The following DBF4B variants were observed in gnomAD, a reference collection of about 807,000 sequenced individuals.
DBF4B encodes protein DBF4 homolog B.
DBF4B carries 49 observed loss-of-function variants against 53.4 expected under a neutral mutation model. That is an observed-to-expected ratio of 0.92 (90% CI 0.73 to 1.16). The LOEUF is 1.16. Among genes scored for constraint, DBF4B ranks in the 50% most tolerant of loss-of-function variants. The pLI, the probability that DBF4B is intolerant of heterozygous loss-of-function variation, is 0.00. For missense variants in DBF4B, 692 were observed against 775.0 expected, an observed-to-expected ratio of 0.89 and a Z score of 1.27; for synonymous variants, 257 against 288.7, an observed-to-expected ratio of 0.89 and a Z score of 1.11.
intron 9 of DBF4B, among the ~76,000 whole-genome samples, chr17:44,740,230 T>G (rs1975864486): frequency 6.6e-6 from 1 of 152,074 alleles, no homozygotes; most frequent in Non-Finnish European, 1.5e-5. Flanking sequence ...TCCTTAAGGG[T>G]CCAAGAAGAC....
rs187666885 is a variant in DBF4B, at chr17:44,716,052, G to A, written c.82+6686G>A. ...TTGGCCAGGCTGGTCTTAAACTCCC[G>A]ATCTGAGGTAATCCACCCGCCTCGG... On this transcript the variant is annotated intron_variant, in intron 2 of 13. Transcript: ENST00000315005. Among the ~76,000 whole-genome samples the A allele has an allele frequency of 6.3e-3, 956 of 151,660 alleles. 7 individuals are homozygous for A. Among genetic ancestry groups the A allele is most frequent in the Non-Finnish European group, 0.011 (768 of 67,854 alleles).
chr17:44,731,836 G>A (rs1974867820), intron 5 of DBF4B: 4 of 227,332 alleles, frequency 1.8e-5, no homozygotes, highest in African/African-American at 9.2e-5. Context: ...TGGTCACCGT[G>A]TTTGTTGTGT....
In DBF4B at chr17:44,750,749, A is replaced by C; in HGVS notation, c.1344A>C (p.Pro448=). The C allele has an allele frequency of 2.5e-6, 4 of 1,614,112 alleles. No homozygotes were observed. The highest frequency in any genetic ancestry group is 3.4e-6 in the Non-Finnish European group (4 of 1,180,016). ...SREQGCLCPC[P]ASFTQSHLVT... ...AGCAGGGCTGCCTCTGTCCCTGCCC[A>C]GCCTCCTTTACCCAGTCTCATCTGG... The change falls in exon 14 of 14, where the codon CCA becomes CCC. Residue 448 remains proline, a synonymous_variant. Coordinates refer to ENST00000315005, the MANE Select transcript of DBF4B (RefSeq NM_145663.3).
At chr17:44,714,512 C>T (rs534477221) in intron 2 of DBF4B, among the ~76,000 whole-genome samples, 2 of 151,890 alleles carry the variant, frequency 1.3e-5, no homozygotes, top group East Asian at 3.9e-4. Context: ...TAAGAGGTAT[C>T]CTTCATTCCA....
intron 12 of DBF4B, 110 bp downstream of exon 12, chr17:44,747,625 C>A: frequency 7.1e-7 from 1 of 1,403,362 alleles, no homozygotes; most frequent in Non-Finnish European, 9.6e-7. Flanking sequence ...GTGATGTTTT[C>A]CTCTTTTCTC....
chr17:44,720,245 A>G (rs1385556932), intron 2 of DBF4B: 1 of 329,654 alleles, frequency 3.0e-6, no homozygotes, highest in Non-Finnish European at 5.8e-6. Flanking sequence ...TTAGAGGCAC[A>G]TCTTCAGTAG....
In DBF4B at chr17:44,751,210, A is replaced by G; in HGVS notation, c.1805A>G (p.Gln602Arg). The change falls in exon 14 of 14, where the codon CAG becomes CGG. Residue 602 changes from glutamine to arginine, a missense_variant. Gln to Arg is a conservative substitution (Grantham distance 43, BLOSUM62 1). Coordinates refer to ENST00000315005, the MANE Select transcript of DBF4B (RefSeq NM_145663.3). ...QAKPQGWNTPQPFLHCGFLAV... is the reference protein window; with the variant it reads ...QAKPQGWNTPRPFLHCGFLAV... ...AAACCCCAAGGCTGGAACACTCCTC[A>G]GCCATTTCTCCATTGCGGCTTCCTG... 1 of 1,613,972 alleles carries G rather than the reference A, an allele frequency of 6.2e-7. No individual in the cohort carries two copies. The highest frequency in any genetic ancestry group is 2.2e-5 in the East Asian group (1 of 44,884).
chr17:44,726,965 G>A (rs1355834160), intron 3 of DBF4B, among the ~76,000 whole-genome samples: 2 of 151,952 alleles, frequency 1.3e-5, no homozygotes, highest in African/African-American at 2.4e-5. Flanking sequence ...TGCGTGTGGT[G>A]GTATGCGCCT....
At chr17:44,739,543 G>A (rs1975783536) in intron 9 of DBF4B, among the ~76,000 whole-genome samples, 1 of 152,228 alleles carries the variant, frequency 6.6e-6, no homozygotes, top group Admixed American at 6.5e-5. Context: ...CAGAGGTGCT[G>A]TCTTCCAGTT....
At chr17:44,724,032 C>T (rs1035935063) in intron 3 of DBF4B, among the ~76,000 whole-genome samples, 4 of 152,052 alleles carry the variant, frequency 2.6e-5, no homozygotes, top group African/African-American at 4.8e-5. Context: ...GCCCAAAAGG[C>T]GGAGGTTACA....
At chr17:44,747,819 C>G (rs542006768) in intron 12 of DBF4B, among the ~76,000 whole-genome samples, 3 of 152,290 alleles carry the variant, frequency 2.0e-5, no homozygotes, top group Admixed American at 1.3e-4. Context: ...GGGGTTAGTG[C>G]TTGGGCCTCT....
chr17:44,726,323 T>TATTTATTTATTTATTTA lies in DBF4B; in HGVS notation c.225+3313_225+3314insATTTAATTTATTTATTT, dbSNP rs376910358. The stretch of plus-strand genomic sequence containing the variant: ...TTATTTATTTATTTATTTATTTATT[T>TATTTATTTATTTATTTA]ATTTATTTATTTTTGCCTTACCCAG... On this transcript the variant is annotated intron_variant, in intron 3 of 13. Transcript: ENST00000315005. 1.7e-3 allele frequency among the ~76,000 whole-genome samples: 261 copies of TATTTATTTATTTATTTA among 149,784 alleles called. 1 individual carries two copies. The highest frequency in any genetic ancestry group is 4.2e-3 in the African/African-American group (170 of 40,720).
chr17:44,750,446 G>A, intron 13 of DBF4B, 149 bp from the exon 14 acceptor site: 1 of 1,439,032 alleles, frequency 6.9e-7, no homozygotes, highest in Non-Finnish European at 9.1e-7. Context: ...GCAACTATGT[G>A]TACAGCCCAC....
Position 44,749,049 on chromosome 17 carries a change from T to G in DBF4B, c.1189+584T>G. On this transcript the variant is annotated intron_variant, in intron 13 of 13. Transcript: ENST00000315005. This position sits in a 1 kb window ranked among gnomAD's most constrained non-coding sequence, Gnocchi z 4.4. ...CCACTGGCCCTGTATCCCAGGAGGC[T>G]GGCCAGCTCCTCAGCTGCCCCACAG... 7.8e-7 allele frequency: 1 copy of G among 1,289,820 alleles called. No individual in the cohort carries two copies. Among genetic ancestry groups the G allele is most frequent in the Non-Finnish European group, 1.0e-6 (1 of 988,848 alleles). 79.9% of individuals were successfully genotyped at this position (1,289,820 alleles called of 1,614,324 possible).
At chr17:44,719,294 G>A (rs563683656) in intron 2 of DBF4B, among the ~76,000 whole-genome samples, 1 of 151,692 alleles carries the variant, frequency 6.6e-6, no homozygotes, top group South Asian at 2.1e-4. Flanking sequence ...GCTTTTTTGA[G>A]TTATAGTTCA....
chr17:44,751,373 C>G lies in DBF4B; in HGVS notation c.*120C>G. The G allele has an allele frequency of 6.2e-6, 9 of 1,448,166 alleles. No individual in the cohort carries two copies. Among genetic ancestry groups the G allele is most frequent in the Non-Finnish European group, 8.1e-6 (9 of 1,105,586 alleles). 89.7% of individuals were successfully genotyped at this position (1,448,166 alleles called of 1,614,324 possible). The stretch of plus-strand genomic sequence containing the variant: ...CTCAGACTCCTTTCCACTCCAGCCC[C>G]CTTTCCACATCGCACCAGATGACTT... On this transcript the variant is annotated 3_prime_UTR_variant, in exon 14 of 14. Transcript: ENST00000315005.
intron 13 of DBF4B, chr17:44,750,275 C>T: frequency 9.2e-7 from 1 of 1,088,444 alleles, no homozygotes; most frequent in Non-Finnish European, 1.1e-6. Context: ...ACAATTTGTA[C>T]CGTGATTCTT....
At chr17:44,734,005 G>A (rs1179376539) in intron 6 of DBF4B, 85 bp from the exon 7 acceptor site, 2 of 1,166,954 alleles carry the variant, frequency 1.7e-6, no homozygotes, top group East Asian at 4.7e-5. Context: ...GGCCCAGCGA[G>A]TTTAGTCCTG....
At chr17:44,740,998 G>A (rs1975955090) in intron 9 of DBF4B, among the ~76,000 whole-genome samples, 1 of 152,174 alleles carries the variant, frequency 6.6e-6, no homozygotes, top group East Asian at 1.9e-4. Context: ...AGCCGGCCAT[G>A]GTGGCGGACG....
Sources: allele counts gnomAD v4.1 joint callset (sites outside exome capture counted in the v4.1 genomes callset), GRCh38; gene constraint gnomAD v4.1.1; non-coding constraint Gnocchi (gnomAD v3.1); transcripts MANE v1.5; gene names NCBI Gene and HGNC (gene_info 2026-07-23, HGNC 2026-07-21).